Variants in AGBL1 observed in about 807,000 individuals in gnomAD.
AGBL1 encodes cytosolic carboxypeptidase 4.
Under a neutral mutation model 118.9 loss-of-function variants are expected in AGBL1, and 130 were observed. The observed-to-expected ratio is 1.09, with a 90% CI of 0.95 to 1.26. The LOEUF (loss-of-function observed/expected upper bound fraction) is 1.26. AGBL1 is among the 50% of genes most tolerant of loss of function. The pLI is 0.00. For missense variants in AGBL1, 1,584 were observed against 1,298.1 expected, an observed-to-expected ratio of 1.22 and a Z score of -3.38; for synonymous variants, 555 against 478.9, an observed-to-expected ratio of 1.16 and a Z score of -2.08.
intron 22 of AGBL1, among the ~76,000 whole-genome samples, chr15:86,878,673 T>C (rs11073680): frequency 0.16 from 23,937 of 152,244 alleles, 2,040 homozygotes; most frequent in South Asian, 0.25. Context: ...TGTCCTCTAC[T>C]GGACTTCCTT....
At chr15:86,314,487 A>G (rs932065015) in intron 17 of AGBL1, among the ~76,000 whole-genome samples, 2 of 152,220 alleles carry the variant, frequency 1.3e-5, no homozygotes, top group African/African-American at 4.8e-5. Context: ...CAAAAGAAGG[A>G]TGAAATTTAA....
intron 22 of AGBL1, among the ~76,000 whole-genome samples, chr15:86,719,846 T>C (rs1050213487): frequency 6.6e-6 from 1 of 152,188 alleles, no homozygotes; most frequent in Non-Finnish European, 1.5e-5. Flanking sequence ...TTTAGCAAGG[T>C]GGGAGGATGA....
intron 21 of AGBL1, among the ~76,000 whole-genome samples, chr15:86,649,214 G>T (rs572530877): frequency 1.3e-5 from 2 of 152,142 alleles, no homozygotes; most frequent in African/African-American, 4.8e-5. Context: ...CAGGAGAAAG[G>T]CAGAGTATAT....
In AGBL1 at chr15:86,264,855, C is replaced by A. The variant is rs764457286; in HGVS notation, c.1667+17C>A. 2.6e-6 allele frequency: 4 copies of A among 1,545,708 alleles called. No homozygotes were observed. The highest frequency in any genetic ancestry group is 3.5e-6 in the Non-Finnish European group (4 of 1,149,870). On this transcript the variant is annotated intron_variant, in intron 11 of 22. Coordinates refer to ENST00000614907, the MANE Select transcript of AGBL1 (RefSeq NM_001386094.1). The stretch of plus-strand genomic sequence containing the variant: ...AGTCCAAAGGTGATGGCGCTACTGA[C>A]TTGGGAGCTCTTTTTTTCTGTTCTT...
In AGBL1 at chr15:86,921,486, T is replaced by C. The variant is rs912536233; in HGVS notation, c.3222-66501T>C. ...TCATGACTCTAGCTTCCTTGGCTAT[T>C]GTTTTGAGCTACTGTTACCTTCTTG... On this transcript the variant is annotated intron_variant, in intron 23 of 24. Coordinates refer to the AGBL1 transcript ENST00000441037. 3.3e-5 allele frequency among the ~76,000 whole-genome samples: 5 copies of C among 152,244 alleles called. No homozygotes were observed. In the East Asian group the frequency reaches 5.8e-4, roughly 18 times the overall value.
At chr15:86,641,405 A>G (rs924616342) in intron 21 of AGBL1, among the ~76,000 whole-genome samples, 2 of 151,108 alleles carry the variant, frequency 1.3e-5, no homozygotes, top group African/African-American at 2.4e-5. Context: ...CTACCACTCA[A>G]TTTTTTTTAA....
At chr15:86,405,478 G>C (rs993373401) in intron 18 of AGBL1, among the ~76,000 whole-genome samples, 1 of 151,864 alleles carries the variant, frequency 6.6e-6, no homozygotes. Flanking sequence ...GATCACACCA[G>C]CCTGGGCAAC....
At chr15:86,767,007 G>A (rs1040347626) in intron 22 of AGBL1, among the ~76,000 whole-genome samples, 2 of 151,918 alleles carry the variant, frequency 1.3e-5, no homozygotes, top group Non-Finnish European at 2.9e-5. Context: ...TAAAATTTAA[G>A]TAGGAAATTT....
At chr15:86,163,266 G>C (rs1011960454) in intron 5 of AGBL1, among the ~76,000 whole-genome samples, 17 of 152,142 alleles carry the variant, frequency 1.1e-4, no homozygotes, top group Non-Finnish European at 2.4e-4. Flanking sequence ...GGCAGACCCT[G>C]TCTCTACAAG....
chr15:86,410,261 C>G (rs1254562541), intron 18 of AGBL1, among the ~76,000 whole-genome samples: 4 of 152,268 alleles, frequency 2.6e-5, no homozygotes, highest in Non-Finnish European at 5.9e-5. Flanking sequence ...GAGGAAAAGC[C>G]TGTCCCTGTG....
chr15:86,893,282 C>T (rs1221380386), intron 22 of AGBL1, among the ~76,000 whole-genome samples: 38 of 152,148 alleles, frequency 2.5e-4, no homozygotes, highest in Admixed American at 2.4e-3. Context: ...GTGGCTGCCT[C>T]TTGAGGTCTG....
rs539972441 is a variant in AGBL1, at chr15:86,297,205, T to A, written c.2374+1797T>A. 5.3e-5 allele frequency: 8 copies of A among 152,140 alleles called. No homozygotes were observed. The East Asian group carries it at 1.5e-3, about 29-fold the overall frequency. 9.4% of individuals were successfully genotyped at this position (152,140 alleles called of 1,614,324 possible). On this transcript the variant is annotated intron_variant, in intron 17 of 22. Coordinates refer to ENST00000614907, the MANE Select transcript of AGBL1 (RefSeq NM_001386094.1). ...TGTACACTCTTATGATCATAACAGCTTTTTTTTCTTTTAAACACATGCTAA... is the reference window on the plus strand; with the variant it reads ...TGTACACTCTTATGATCATAACAGCATTTTTTTCTTTTAAACACATGCTAA...
chr15:86,467,655 G>A (rs1002057814), intron 18 of AGBL1, among the ~76,000 whole-genome samples: 63 of 152,316 alleles, frequency 4.1e-4, no homozygotes, highest in Non-Finnish European at 2.9e-5. Flanking sequence ...CATGGGAAAG[G>A]TATAGTGTCT....
intron 24 of AGBL1, among the ~76,000 whole-genome samples, chr15:86,996,490 T>C (rs2081381540): frequency 6.6e-6 from 1 of 152,168 alleles, no homozygotes; most frequent in Non-Finnish European, 1.5e-5. Flanking sequence ...AGCCATGCTT[T>C]ATTTGTTCTC....
At chr15:86,385,842 G>A (rs564108371) in intron 17 of AGBL1, among the ~76,000 whole-genome samples, 1 of 152,026 alleles carries the variant, frequency 6.6e-6, no homozygotes, top group African/African-American at 2.4e-5. Context: ...GCACAGAACT[G>A]TTTTATTTTC....
chr15:86,484,520 A>G (rs1312941409), intron 18 of AGBL1, among the ~76,000 whole-genome samples: 1 of 152,128 alleles, frequency 6.6e-6, no homozygotes. Flanking sequence ...TATGTGACTA[A>G]GACCCTCTTG....
chr15:86,516,024 AG>A (rs1169537390), intron 18 of AGBL1, among the ~76,000 whole-genome samples: 1 of 152,300 alleles, frequency 6.6e-6, no homozygotes, highest in Non-Finnish European at 1.5e-5. Flanking sequence ...TCCAGGTCAT[AG>A]GTAGATAAGA....
At chr15:86,839,018 G>T (rs908169161) in intron 22 of AGBL1, among the ~76,000 whole-genome samples, 1 of 148,988 alleles carries the variant, frequency 6.7e-6, no homozygotes, top group Admixed American at 6.7e-5. Flanking sequence ...TCCTTGGTCA[G>T]CACGTTCTCT....
intron 22 of AGBL1, among the ~76,000 whole-genome samples, chr15:86,732,939 A>T (rs1040295872): frequency 2.0e-5 from 3 of 149,702 alleles, no homozygotes; most frequent in Admixed American, 2.0e-4. Context: ...AGATATATAT[A>T]TAGAGAGAAA....
Sources: allele counts gnomAD v4.1 joint callset (sites outside exome capture counted in the v4.1 genomes callset), GRCh38; gene constraint gnomAD v4.1.1; transcripts MANE v1.5; gene names NCBI Gene and HGNC (gene_info 2026-07-23, HGNC 2026-07-21).